The following GPD1L variants were observed in gnomAD, a reference collection of about 807,000 sequenced individuals.
The protein encoded by GPD1L is glycerol-3-phosphate dehydrogenase 1 like.
GPD1L carries 17 observed loss-of-function variants against 32.9 expected under a neutral mutation model. That is an observed-to-expected ratio of 0.52 (90% CI 0.35 to 0.78). The LOEUF (loss-of-function observed/expected upper bound fraction) is 0.78. Among genes scored for constraint, GPD1L ranks in the 30% least tolerant of loss-of-function variants. GPD1L has a pLI of 0.01. For missense variants in GPD1L, 361 were observed against 447.8 expected (o/e 0.81, Z 1.75); for synonymous variants, 187 against 165.9 (o/e 1.13, Z -0.98).
chr3:32,124,934 CAGAG>C (rs899309717), intron 1 of GPD1L, among the ~76,000 whole-genome samples: 1 of 151,998 alleles, frequency 6.6e-6, no homozygotes, highest in Non-Finnish European at 1.5e-5. Context: ...AACAAACAAA[CAGAG>C]AGAGTATGCC....
In GPD1L at chr3:32,168,064, T is replaced by G. The variant is rs1032475927; in HGVS notation, c.*2154T>G. On this transcript the variant is annotated 3_prime_UTR_variant, in exon 8 of 8. Coordinates refer to ENST00000282541, the MANE Select transcript of GPD1L (RefSeq NM_015141.4). ...GTGAGGAGTTGGAACTTTGCGTGTT[T>G]TGCGTATTTTCATCTGCATTCAGCT... The G allele has an allele frequency of 1.3e-5, 2 of 152,196 alleles. No individual in the cohort carries two copies. The highest frequency in any genetic ancestry group is 4.8e-5 in the African/African-American group (2 of 41,448). 9.4% of individuals were successfully genotyped at this position (152,196 alleles called of 1,614,324 possible).
intron 6 of GPD1L, among the ~76,000 whole-genome samples, 190 bp from the exon 7 acceptor site, chr3:32,159,378 C>T (rs963585481): frequency 6.6e-6 from 1 of 151,656 alleles, no homozygotes; most frequent in Non-Finnish European, 1.5e-5. Flanking sequence ...TGCCTGTAAT[C>T]CCACCACTTT....
intron 2 of GPD1L, among the ~76,000 whole-genome samples, chr3:32,130,642 G>A (rs1021424144): frequency 6.6e-6 from 1 of 152,130 alleles, no homozygotes; most frequent in African/African-American, 2.4e-5. Flanking sequence ...CTGGATTTGC[G>A]ATTTCCCTTT....
chr3:32,111,661 T>C (rs1461936912), intron 1 of GPD1L, among the ~76,000 whole-genome samples: 1 of 152,134 alleles, frequency 6.6e-6, no homozygotes, highest in African/African-American at 2.4e-5. Flanking sequence ...GGAGAGAGGC[T>C]GATAGACAGC....
chr3:32,143,768 A>G (rs1025566983), intron 4 of GPD1L, among the ~76,000 whole-genome samples: 20 of 151,884 alleles, frequency 1.3e-4, no homozygotes, highest in Non-Finnish European at 2.6e-4. Context: ...ACCTGAAGTT[A>G]GGAGTTTGAG....
At chr3:32,158,795 T>A in intron 5 of GPD1L, 81 bp from the exon 6 acceptor site, 2 of 1,561,338 alleles carry the variant, frequency 1.3e-6, no homozygotes. Flanking sequence ...TGCCCCTGCC[T>A]CGGCATCCCC....
At chr3:32,130,376 C>T (rs1700568839) in intron 2 of GPD1L, among the ~76,000 whole-genome samples, 1 of 152,152 alleles carries the variant, frequency 6.6e-6, no homozygotes, top group Non-Finnish European at 1.5e-5. Flanking sequence ...CCTAAAAGTA[C>T]AGTTTTTAAT....
Position 32,140,238 on chromosome 3 carries a change from AG to A in GPD1L, c.380del (p.Gly127AlafsTer5), listed in dbSNP as rs764888300. 1 of 1,614,038 alleles carries A rather than the reference AG, an allele frequency of 6.2e-7. No individual in the cohort carries two copies. Among genetic ancestry groups the A allele is most frequent in the South Asian group, 1.1e-5 (1 of 91,074 alleles). Reference sequence around the variant, plus strand: ...TTGGCATCCTTGTAGGGCATAGACGAGGGCCCCGAGGGGCTGAAGCTCATTT... The same window carrying A: ...TTGGCATCCTTGTAGGGCATAGACGAGGCCCCGAGGGGCTGAAGCTCATTT... ...LGITLIKGID[E>X]GPEGLKLISD... On this transcript the variant is annotated frameshift_variant, in exon 4 of 8. Coordinates refer to ENST00000282541, the MANE Select transcript of GPD1L (RefSeq NM_015141.4). LOFTEE classifies it high-confidence loss of function.
Position 32,121,310 on chromosome 3 carries a change from A to G in GPD1L, c.48-6766A>G, listed in dbSNP as rs139764114. ...TTGGTTCTAGATAAAATCTGTGCCTATTGTTGGCCATGCCACCTGCTATGA... is the reference window on the plus strand; with the variant it reads ...TTGGTTCTAGATAAAATCTGTGCCTGTTGTTGGCCATGCCACCTGCTATGA... On this transcript the variant is annotated intron_variant, in intron 1 of 7. Transcript: ENST00000282541. Among the ~76,000 whole-genome samples, 195 of 151,414 alleles carry G rather than the reference A, an allele frequency of 1.3e-3. 1 individual carries two copies. The East Asian group carries it at 0.014, about 11-fold the overall frequency.
At chr3:32,120,793 G>A (rs941048983) in intron 1 of GPD1L, among the ~76,000 whole-genome samples, 5 of 152,172 alleles carry the variant, frequency 3.3e-5, no homozygotes, top group South Asian at 2.1e-4. Flanking sequence ...AGAGGGTTCT[G>A]AAATTTTTAT....
At chr3:32,123,839 T>TAGACAGATAGAC (rs1700463809) in intron 1 of GPD1L, among the ~76,000 whole-genome samples, 1 of 134,488 alleles carries the variant, frequency 7.4e-6, no homozygotes, top group Non-Finnish European at 1.6e-5. Flanking sequence ...GATAGATAGA[T>TAGACAGATAGAC]AGACAGACAG....
chr3:32,140,165 T>A lies in GPD1L; in HGVS notation c.367-63T>A. On this transcript the variant is annotated intron_variant, in intron 3 of 7. Transcript: ENST00000282541. ...TCAAGTTGTGTAGCCATGGGACATC[T>A]ACTATCCCATGCCTCTTTGATTTGG... 4 of 1,558,316 alleles carry A rather than the reference T, an allele frequency of 2.6e-6. No individual in the cohort carries two copies. The South Asian group carries it at 3.3e-5, about 13-fold the overall frequency.
chr3:32,121,637 TATATATATA>T (rs1331654943), intron 1 of GPD1L, among the ~76,000 whole-genome samples: 3 of 138,194 alleles, frequency 2.2e-5, no homozygotes, highest in Admixed American at 7.6e-5. Context: ...TATATATTTC[TATATATATA>T]ATATATATAT....
At chr3:32,148,260 G>T (rs1700861155) in intron 5 of GPD1L, among the ~76,000 whole-genome samples, 1 of 152,186 alleles carries the variant, frequency 6.6e-6, no homozygotes, top group East Asian at 1.9e-4. Context: ...TGCTGGGTGA[G>T]AAGAAGGAGT....
rs539068850 is a variant in GPD1L at position 32,115,758 on chromosome 3, C to CTTTTTTTTTTTTTTTTTTTTTT, written c.47+9027_47+9048dup. On this transcript the variant is annotated intron_variant, in intron 1 of 7. Transcript: ENST00000282541. ...CTAAACCCTTTTCGTGTACGTTGAA[C>CTTTTTTTTTTTTTTTTTTTTTT]TTTTTTTTTTTTTTTTTTTTTTTTT... Among the ~76,000 whole-genome samples, 9 of 45,086 alleles carry CTTTTTTTTTTTTTTTTTTTTTT rather than the reference C, an allele frequency of 2.0e-4. 2 individuals carry two copies. Among genetic ancestry groups the CTTTTTTTTTTTTTTTTTTTTTT allele is most frequent in the Admixed American group, 3.6e-4 (1 of 2,788 alleles). The allele number at this position is 45,086 out of a possible 152,430, so 29.6% of individuals were successfully genotyped here.
chr3:32,145,583 GA>G (rs1302009105), intron 4 of GPD1L, among the ~76,000 whole-genome samples: 2 of 152,068 alleles, frequency 1.3e-5, no homozygotes, highest in African/African-American at 4.8e-5. Context: ...TGACTTGAGG[GA>G]GGGGCTGGTC....
intron 2 of GPD1L, 77 bp downstream of exon 2, chr3:32,128,330 C>A: frequency 8.6e-7 from 1 of 1,168,002 alleles, no homozygotes; most frequent in Non-Finnish European, 1.3e-6. Context: ...GGTTTTGGAA[C>A]TGGGAAAGCT....
chr3:32,137,635 TGAGG>T (rs548495916), intron 2 of GPD1L, among the ~76,000 whole-genome samples: 103 of 152,306 alleles, frequency 6.8e-4, no homozygotes, highest in Non-Finnish European at 1.1e-3. Flanking sequence ...GTTCTAATGC[TGAGG>T]AATAAGGAAG....
chr3:32,135,439 TG>T (rs1186619716), intron 2 of GPD1L, among the ~76,000 whole-genome samples: 1 of 151,256 alleles, frequency 6.6e-6, no homozygotes, highest in Non-Finnish European at 1.5e-5. Context: ...TCGAGAGGGT[TG>T]TTTTTTTGTT....
Sources: allele counts gnomAD v4.1 joint callset (sites outside exome capture counted in the v4.1 genomes callset), GRCh38; gene constraint gnomAD v4.1.1; transcripts MANE v1.5; gene names NCBI Gene and HGNC (gene_info 2026-07-23, HGNC 2026-07-21).